Variants in FOXP2 observed in about 807,000 individuals in gnomAD.
FOXP2 encodes the protein forkhead box P2.
A neutral mutation model predicts 115.8 loss-of-function variants in FOXP2; 12 were observed. That is an observed-to-expected ratio of 0.10 (90% CI 0.07 to 0.17). The LOEUF (loss-of-function observed/expected upper bound fraction) is 0.17. Among genes scored for constraint, FOXP2 ranks in the 10% least tolerant of loss-of-function variants. The pLI is 1.00. For missense variants in FOXP2, 629 were observed against 843.5 expected (o/e 0.75, Z 3.15); for synonymous variants, 328 against 297.7 (o/e 1.10, Z -1.05).
chr7:114,287,601 A>G (rs1300736289), intron 1 of FOXP2, among the ~76,000 whole-genome samples: 1 of 152,014 alleles, frequency 6.6e-6, no homozygotes, highest in Non-Finnish European at 1.5e-5. Flanking sequence ...GGAAAATCCT[A>G]CAAAGCTCAT....
At chr7:114,128,974 C>T (rs987864525) in intron 1 of FOXP2, among the ~76,000 whole-genome samples, 1 of 152,134 alleles carries the variant, frequency 6.6e-6, no homozygotes, top group South Asian at 2.1e-4. Context: ...AAAAAACACT[C>T]TCTGTGCTTC....
intron 1 of FOXP2, among the ~76,000 whole-genome samples, chr7:114,249,204 A>G (rs2129169076): frequency 6.6e-6 from 1 of 152,124 alleles, no homozygotes; most frequent in South Asian, 2.1e-4. Flanking sequence ...AGGCCTTTCT[A>G]TTTTATTTTA....
At chr7:114,201,391 G>A (rs1794060664) in intron 1 of FOXP2, among the ~76,000 whole-genome samples, 2 of 152,100 alleles carry the variant, frequency 1.3e-5, no homozygotes, top group African/African-American at 4.8e-5. Flanking sequence ...GAGCCCAGAA[G>A]TTGGAGGCTT....
chr7:114,213,809 T>C (rs188658735), intron 1 of FOXP2, among the ~76,000 whole-genome samples: 1 of 152,274 alleles, frequency 6.6e-6, no homozygotes, highest in East Asian at 1.9e-4. Context: ...TTAATAAGAA[T>C]TGGCTTTAGG....
intron 2 of FOXP2, among the ~76,000 whole-genome samples, chr7:114,370,975 T>C (rs952932633): frequency 6.6e-6 from 1 of 152,166 alleles, no homozygotes; most frequent in South Asian, 2.1e-4. Flanking sequence ...CAAAGTGCAT[T>C]GTTTTGCTTA....
intron 6 of FOXP2, among the ~76,000 whole-genome samples, chr7:114,638,008 CAG>C (rs1805317055): frequency 6.6e-6 from 1 of 151,998 alleles, no homozygotes; most frequent in African/African-American, 2.4e-5. Context: ...TTAAATAAAA[CAG>C]AGACAAAGAA....
intron 2 of FOXP2, among the ~76,000 whole-genome samples, chr7:114,340,832 A>C (rs567388379): frequency 6.6e-6 from 1 of 151,192 alleles, no homozygotes; most frequent in African/African-American, 2.4e-5. Flanking sequence ...AATCAGTGTA[A>C]CCTTATGAGC....
intron 2 of FOXP2, among the ~76,000 whole-genome samples, chr7:114,506,489 T>C (rs1797824400): frequency 6.6e-6 from 1 of 151,698 alleles, no homozygotes; most frequent in Non-Finnish European, 1.5e-5. Context: ...CAGGAAAATT[T>C]AATCATGGAT....
chr7:114,178,331 A>T (rs1793370963), intron 1 of FOXP2, among the ~76,000 whole-genome samples: 1 of 151,564 alleles, frequency 6.6e-6, no homozygotes, highest in African/African-American at 2.4e-5. Context: ...TATGATAGTT[A>T]TTTTTTTCCT....
chr7:114,248,202 G>C (rs1219531486), intron 1 of FOXP2, among the ~76,000 whole-genome samples: 2 of 151,700 alleles, frequency 1.3e-5, no homozygotes, highest in South Asian at 2.1e-4. Context: ...GAGAGAGAGA[G>C]AGAGAGAGAG....
intron 3 of FOXP2, among the ~76,000 whole-genome samples, chr7:114,597,927 A>G (rs1488835326): frequency 3.9e-5 from 6 of 152,136 alleles, no homozygotes; most frequent in Non-Finnish European, 7.4e-5. Flanking sequence ...TGGACAGTGA[A>G]AGTTTCTATC....
At chr7:114,563,880 C>G (rs1263971150) in intron 3 of FOXP2, among the ~76,000 whole-genome samples, 1 of 150,240 alleles carries the variant, frequency 6.7e-6, no homozygotes, top group Non-Finnish European at 1.5e-5. Context: ...ATCCTTTACT[C>G]TCTCACTCAG....
At chr7:114,537,579 T>C (rs1799459597) in intron 3 of FOXP2, among the ~76,000 whole-genome samples, 1 of 151,578 alleles carries the variant, frequency 6.6e-6, no homozygotes, top group Non-Finnish European at 1.5e-5. Flanking sequence ...ACAGAGTCTA[T>C]TTTTAGTAGA....
intron 6 of FOXP2, 38 bp downstream of exon 6, chr7:114,631,743 T>A (rs1229489896): frequency 3.7e-6 from 6 of 1,605,160 alleles, no homozygotes; most frequent in Non-Finnish European, 5.1e-6. Flanking sequence ...ATTTCAAATC[T>A]TGTACTTTCT....
chr7:114,353,330 G>A (rs1244927176), intron 2 of FOXP2, among the ~76,000 whole-genome samples: 1 of 135,066 alleles, frequency 7.4e-6, no homozygotes, highest in Non-Finnish European at 1.6e-5. Flanking sequence ...CTGTATAGGA[G>A]CCTCTTTTTT....
intron 2 of FOXP2, among the ~76,000 whole-genome samples, chr7:114,373,103 C>T (rs944360280): frequency 3.3e-5 from 5 of 152,066 alleles, no homozygotes; most frequent in Non-Finnish European, 7.4e-5. Flanking sequence ...CGCCATTCTC[C>T]TGCCTCAGCC....
intron 1 of FOXP2, among the ~76,000 whole-genome samples, chr7:114,284,276 TAA>T (rs11357065): frequency 1.2e-4 from 18 of 146,548 alleles, no homozygotes; most frequent in South Asian, 4.4e-4. Context: ...AGCACATTGT[TAA>T]AAAAAAAAAA....
intron 2 of FOXP2, among the ~76,000 whole-genome samples, chr7:114,323,384 C>T (rs990881134): frequency 6.6e-6 from 1 of 151,952 alleles, no homozygotes; most frequent in Non-Finnish European, 1.5e-5. Flanking sequence ...AAGAGAAATC[C>T]ATTCGTTGTA....
chr7:114,563,581 TG>T (rs1213008764), intron 3 of FOXP2, among the ~76,000 whole-genome samples: 2 of 152,176 alleles, frequency 1.3e-5, no homozygotes, highest in Non-Finnish European at 2.9e-5. Flanking sequence ...ACCCACAAGG[TG>T]GGCTGAGAAC....
Sources: gnomAD v4.1 joint callset for allele counts (sites outside exome capture counted in the v4.1 genomes callset) on GRCh38, gnomAD v4.1.1 for gene constraint, MANE v1.5 for transcripts, NCBI Gene and HGNC (gene_info 2026-07-23, HGNC 2026-07-21) for gene names.